Variants in ATRNL1 observed in about 807,000 individuals in gnomAD.
ATRNL1 encodes attractin-like protein 1.
A neutral mutation model predicts 182.7 loss-of-function variants in ATRNL1; 95 were observed. The ratio of observed to expected loss-of-function variants is 0.52; its 90% CI spans 0.44 to 0.62. The LOEUF (loss-of-function observed/expected upper bound fraction) is 0.62. Ranked by LOEUF, ATRNL1 falls within the 20% of genes least tolerant of loss-of-function variation. ATRNL1 has a pLI of 0.00. For synonymous variants in ATRNL1, 576 were observed against 568.3 expected (o/e 1.01, Z -0.19); for missense variants, 1,471 against 1,679.5 (o/e 0.88, Z 2.17).
At chr10:115,453,050 T>C (rs1435624711) in intron 21 of ATRNL1, among the ~76,000 whole-genome samples, 3 of 152,174 alleles carry the variant, frequency 2.0e-5, no homozygotes, top group Non-Finnish European at 4.4e-5. Context: ...CTGAACAATA[T>C]TTAATTGTAT....
At chr10:115,568,132 G>T (rs1165372695) in intron 26 of ATRNL1, among the ~76,000 whole-genome samples, 1 of 152,068 alleles carries the variant, frequency 6.6e-6, no homozygotes, top group African/African-American at 2.4e-5. Flanking sequence ...TAGGTACGTA[G>T]AATCATGCCT....
At chr10:115,349,521 G>C (rs1254100414) in intron 19 of ATRNL1, among the ~76,000 whole-genome samples, 1 of 152,086 alleles carries the variant, frequency 6.6e-6, no homozygotes, top group Non-Finnish European at 1.5e-5. Context: ...GTAGTGTTTT[G>C]AGGAACTTCC....
intron 8 of ATRNL1, among the ~76,000 whole-genome samples, chr10:115,207,399 T>C (rs1414134724): frequency 6.6e-6 from 1 of 152,148 alleles, no homozygotes; most frequent in Non-Finnish European, 1.5e-5. Flanking sequence ...CATGAGATGG[T>C]ATCTCATTGT....
chr10:115,538,918 C>T (rs7070709), intron 25 of ATRNL1, among the ~76,000 whole-genome samples: 11,856 of 152,144 alleles, frequency 0.078, 1,489 homozygotes, highest in African/African-American at 0.27. Flanking sequence ...TGTTTAGATA[C>T]ACAAAAACCA....
intron 9 of ATRNL1, among the ~76,000 whole-genome samples, chr10:115,234,602 T>G (rs1329562473): frequency 3.4e-5 from 5 of 148,214 alleles, no homozygotes; most frequent in African/African-American, 1.3e-4. Flanking sequence ...CTTTTTTTTT[T>G]TTTTTTGAGA....
At chr10:115,793,827 G>T (rs1949587038) in intron 27 of ATRNL1, among the ~76,000 whole-genome samples, 2 of 152,106 alleles carry the variant, frequency 1.3e-5, no homozygotes, top group African/African-American at 2.4e-5. Context: ...TTTTCTTTGT[G>T]GTGGGTGATG....
chr10:115,639,034 A>T (rs141916227), intron 26 of ATRNL1, among the ~76,000 whole-genome samples: 1 of 152,174 alleles, frequency 6.6e-6, no homozygotes, highest in Non-Finnish European at 1.5e-5. Flanking sequence ...ACAGAAACCT[A>T]CAGGTCCAAG....
intron 26 of ATRNL1, among the ~76,000 whole-genome samples, chr10:115,612,896 A>C (rs1450465965): frequency 2.6e-5 from 4 of 152,110 alleles, no homozygotes; most frequent in African/African-American, 7.2e-5. Context: ...ACATTTCCTC[A>C]TTTGATCAAG....
intron 27 of ATRNL1, among the ~76,000 whole-genome samples, chr10:115,771,442 G>A (rs917265660): frequency 1.3e-5 from 2 of 152,080 alleles, no homozygotes; most frequent in East Asian, 1.9e-4. Flanking sequence ...GTGTTAGCCA[G>A]GATGGTCTCA....
chr10:115,612,730 G>C (rs940883029), intron 26 of ATRNL1, among the ~76,000 whole-genome samples: 1 of 152,164 alleles, frequency 6.6e-6, no homozygotes, highest in Admixed American at 6.5e-5. Context: ...GCAAGTAAGA[G>C]ACTTTCAGAT....
At chr10:115,296,540 A>G (rs976088184) in intron 15 of ATRNL1, among the ~76,000 whole-genome samples, 2 of 152,196 alleles carry the variant, frequency 1.3e-5, no homozygotes, top group South Asian at 2.1e-4. Flanking sequence ...TGGATAATCT[A>G]ATTTCTATCC....
At chr10:115,527,318 A>C (rs956425919) in intron 25 of ATRNL1, among the ~76,000 whole-genome samples, 1 of 151,854 alleles carries the variant, frequency 6.6e-6, no homozygotes. Flanking sequence ...ATGGGGTTTC[A>C]CCGTGTTGCC....
intron 26 of ATRNL1, among the ~76,000 whole-genome samples, chr10:115,653,060 A>G (rs868965303): frequency 6.6e-6 from 1 of 152,170 alleles, no homozygotes; most frequent in African/African-American, 2.4e-5. Context: ...AACTAAATCA[A>G]TAGGTAATCT....
intron 28 of ATRNL1, among the ~76,000 whole-genome samples, chr10:115,930,904 C>G (rs74160725): frequency 1.1e-4 from 17 of 152,094 alleles, no homozygotes; most frequent in African/African-American, 3.4e-4. Flanking sequence ...CTTGAACAAA[C>G]AAAGAAAAAC....
intron 20 of ATRNL1, among the ~76,000 whole-genome samples, chr10:115,412,004 A>G (rs1290879366): frequency 6.6e-6 from 1 of 152,110 alleles, no homozygotes; most frequent in Non-Finnish European, 1.5e-5. Flanking sequence ...TGTGGGCAGG[A>G]CCTGTGCTTG....
rs188416189 is a variant in ATRNL1 at position 115,149,214 on chromosome 10, C to A, written c.830-10826C>A. 2.1e-4 allele frequency among the ~76,000 whole-genome samples: 32 copies of A among 152,162 alleles called. No individual in the cohort carries two copies. The East Asian group carries it at 6.2e-3, about 29-fold the overall frequency. ...CCAGTGTAGACGCCTGCACACATGG[C>A]AACAAAAGGGAAGGGAAAATCTCCA... On this transcript the variant is annotated intron_variant, in intron 5 of 28. Coordinates refer to ENST00000355044, the MANE Select transcript of ATRNL1 (RefSeq NM_207303.4).
At chr10:115,333,673 G>C (rs1237369536) in intron 18 of ATRNL1, among the ~76,000 whole-genome samples, 1 of 151,906 alleles carries the variant, frequency 6.6e-6, no homozygotes, top group Admixed American at 6.6e-5. Flanking sequence ...TTTTAGTAGA[G>C]ACAGGGTTTC....
intron 26 of ATRNL1, among the ~76,000 whole-genome samples, chr10:115,671,082 T>C (rs1945684079): frequency 6.6e-6 from 1 of 152,044 alleles, no homozygotes; most frequent in Non-Finnish European, 1.5e-5. Flanking sequence ...AGAGGGACAA[T>C]GATTTCTAGC....
intron 26 of ATRNL1, among the ~76,000 whole-genome samples, chr10:115,642,406 T>C (rs1435411445): frequency 2.0e-5 from 3 of 151,892 alleles, no homozygotes; most frequent in Admixed American, 6.6e-5. Flanking sequence ...AATTGATCAA[T>C]AGATTCAACA....
Sources: gnomAD v4.1 joint callset for allele counts (sites outside exome capture counted in the v4.1 genomes callset) on GRCh38, gnomAD v4.1.1 for gene constraint, MANE v1.5 for transcripts, NCBI Gene and HGNC (gene_info 2026-07-23, HGNC 2026-07-21) for gene names.